The following RGS6 variants were observed in gnomAD, a reference collection of about 807,000 sequenced individuals.
The protein encoded by RGS6 is regulator of G-protein signaling 6.
In RGS6, 30 loss-of-function variants were observed where a neutral mutation model predicts 78.5. The observed-to-expected ratio is 0.38, with a 90% CI of 0.29 to 0.52. RGS6 has a LOEUF of 0.52. Ranked by LOEUF, RGS6 falls within the 20% of genes least tolerant of loss-of-function variation. RGS6 has a pLI of 0.85. For missense variants in RGS6, 495 were observed against 609.7 expected (o/e 0.81, Z 1.98); for synonymous variants, 206 against 206.0 (o/e 1.00, Z 0.00).
At chr14:72,494,206 AG>A (rs1243028367) in intron 12 of RGS6, among the ~76,000 whole-genome samples, 1 of 152,218 alleles carries the variant, frequency 6.6e-6, no homozygotes, top group Non-Finnish European at 1.5e-5. Flanking sequence ...GCTTGGAAAA[AG>A]TAGTATGATA....
chr14:71,910,368 G>A, the RGS6 span, among the ~76,000 whole-genome samples: 1 of 152,146 alleles, frequency 6.6e-6, no homozygotes, highest in Non-Finnish European at 1.5e-5. Flanking sequence ...ATTTTCATCT[G>A]TTTACCTTCC....
chr14:72,600,694 A>T, the RGS6 span, among the ~76,000 whole-genome samples: 2 of 151,812 alleles, frequency 1.3e-5, no homozygotes, highest in African/African-American at 4.8e-5. Flanking sequence ...CTCAGTCTGG[A>T]CCCCTGCCGG....
chr14:72,273,972 C>A (rs943948084), intron 2 of RGS6, among the ~76,000 whole-genome samples: 3 of 152,208 alleles, frequency 2.0e-5, no homozygotes, highest in African/African-American at 7.2e-5. Context: ...TGATTTAGAA[C>A]CATTTGTTTC....
At chr14:72,167,288 T>G (rs1437232067) in intron 2 of RGS6, among the ~76,000 whole-genome samples, 3 of 152,206 alleles carry the variant, frequency 2.0e-5, no homozygotes, top group Non-Finnish European at 4.4e-5. Context: ...GGCCTGCCCA[T>G]TAGGGCAAAT....
At chr14:72,422,105 TCC>T (rs923780634) in intron 3 of RGS6, among the ~76,000 whole-genome samples, 4 of 152,172 alleles carry the variant, frequency 2.6e-5, no homozygotes, top group South Asian at 2.1e-4. Flanking sequence ...GCACAAGCTC[TCC>T]CTTTGCCTGC....
At chr14:72,283,906 A>G (rs930906782) in intron 2 of RGS6, among the ~76,000 whole-genome samples, 1 of 152,228 alleles carries the variant, frequency 6.6e-6, no homozygotes, top group African/African-American at 2.4e-5. Flanking sequence ...TAGTGATATG[A>G]AAAATGAAGT....
chr14:72,452,218 TATTC>T (rs1280403456), intron 3 of RGS6, among the ~76,000 whole-genome samples: 1 of 134,810 alleles, frequency 7.4e-6, no homozygotes, highest in Non-Finnish European at 1.6e-5. Flanking sequence ...CACACACACA[TATTC>T]ATTCTCTCTC....
At chr14:71,907,869 G>A in the RGS6 span, among the ~76,000 whole-genome samples, 2 of 152,132 alleles carry the variant, frequency 1.3e-5, no homozygotes, top group African/African-American at 4.8e-5. Flanking sequence ...TATCTGACAG[G>A]AGCCTAAAGG....
chr14:71,878,614 C>A, the RGS6 span, among the ~76,000 whole-genome samples: 1 of 152,214 alleles, frequency 6.6e-6, no homozygotes, highest in Non-Finnish European at 1.5e-5. Flanking sequence ...AGGGAATTCC[C>A]TGACCCCTTG....
At chr14:72,186,046 A>G (rs2097240527) in intron 2 of RGS6, among the ~76,000 whole-genome samples, 3 of 152,374 alleles carry the variant, frequency 2.0e-5, no homozygotes, top group East Asian at 1.9e-4. Context: ...AAATGGAGGA[A>G]CTGAGTATCT....
intron 2 of RGS6, among the ~76,000 whole-genome samples, chr14:72,090,065 A>ACTGCAC (rs2095210885): frequency 6.7e-6 from 1 of 149,786 alleles, no homozygotes; most frequent in Non-Finnish European, 1.5e-5. Context: ...CAGAGCCGAG[A>ACTGCAC]TCATGCCACT....
chr14:71,877,319 A>G, the RGS6 span, among the ~76,000 whole-genome samples: 1 of 152,216 alleles, frequency 6.6e-6, no homozygotes, highest in Non-Finnish European at 1.5e-5. Flanking sequence ...CACCAATCAG[A>G]CGAAGATTTG....
intron 3 of RGS6, among the ~76,000 whole-genome samples, chr14:72,413,605 T>C (rs530226260): frequency 4.7e-4 from 71 of 152,282 alleles, no homozygotes; most frequent in African/African-American, 1.5e-3. Flanking sequence ...TTGATCCTGT[T>C]ATTATGATGT....
chr14:72,187,218 C>T (rs767589747), intron 2 of RGS6, among the ~76,000 whole-genome samples: 19 of 152,192 alleles, frequency 1.2e-4, no homozygotes, highest in Non-Finnish European at 2.2e-4. Context: ...TAAATGAGCA[C>T]TGCCTTATAG....
At chr14:72,390,572 T>G (rs922210841) in intron 3 of RGS6, among the ~76,000 whole-genome samples, 2 of 151,754 alleles carry the variant, frequency 1.3e-5, no homozygotes, top group South Asian at 2.1e-4. Context: ...AATGAAAATT[T>G]TGGGATACTT....
At chr14:72,415,823 TG>T (rs900497029) in intron 3 of RGS6, among the ~76,000 whole-genome samples, 5 of 152,244 alleles carry the variant, frequency 3.3e-5, no homozygotes, top group Admixed American at 1.3e-4. Context: ...TGCATTCATT[TG>T]ATTGTACACT....
chr14:72,090,725 A>G (rs975719067), intron 2 of RGS6, among the ~76,000 whole-genome samples: 2 of 152,158 alleles, frequency 1.3e-5, no homozygotes, highest in Non-Finnish European at 2.9e-5. Context: ...GGTTAAAGGG[A>G]AAGTAGGACA....
intron 13 of RGS6, among the ~76,000 whole-genome samples, chr14:72,508,556 A>G (rs2096838112): frequency 7.9e-6 from 1 of 126,300 alleles, no homozygotes; most frequent in South Asian, 2.8e-4. Flanking sequence ...CCACGCACAC[A>G]AGCTCCTTTT....
chr14:72,079,751 C>CT (rs927733629), intron 2 of RGS6, among the ~76,000 whole-genome samples: 4 of 152,152 alleles, frequency 2.6e-5, no homozygotes, highest in African/African-American at 7.2e-5. Flanking sequence ...ATGAGTTCAA[C>CT]TTTTTTTATT....
Sources: allele counts gnomAD v4.1 joint callset (sites outside exome capture counted in the v4.1 genomes callset), GRCh38; gene constraint gnomAD v4.1.1; transcripts MANE v1.5; gene names NCBI Gene and HGNC (gene_info 2026-07-23, HGNC 2026-07-21).